The following GPD2 variants were observed in gnomAD, a reference collection of about 807,000 sequenced individuals.
The protein encoded by GPD2 is glycerol-3-phosphate dehydrogenase 2, also known as glycerol-3-phosphate dehydrogenase, mitochondrial.
A neutral mutation model predicts 82.4 loss-of-function variants in GPD2; 54 were observed. That is an observed-to-expected ratio of 0.66 (90% CI 0.53 to 0.82). The LOEUF is 0.82. Ranked by LOEUF, GPD2 falls within the 40% of genes least tolerant of loss-of-function variation. The pLI is 0.00. For synonymous variants in GPD2, 288 were observed against 306.1 expected (o/e 0.94, Z 0.62); for missense variants, 748 against 896.2 (o/e 0.83, Z 2.11).
intron 6 of GPD2, among the ~76,000 whole-genome samples, chr2:156,516,336 A>T (rs1685195368): frequency 2.0e-5 from 3 of 152,402 alleles, no homozygotes; most frequent in African/African-American, 7.2e-5. Flanking sequence ...AATTAAAATT[A>T]GCCATTTTAA....
intron 1 of GPD2, among the ~76,000 whole-genome samples, chr2:156,466,603 G>A (rs928918397): frequency 1.3e-5 from 2 of 152,118 alleles, no homozygotes; most frequent in Non-Finnish European, 2.9e-5. Flanking sequence ...GAGTGCAAAC[G>A]TGTATCCTTG....
At chr2:156,462,930 C>T (rs1683040487) in intron 1 of GPD2, among the ~76,000 whole-genome samples, 1 of 152,084 alleles carries the variant, frequency 6.6e-6, no homozygotes, top group Non-Finnish European at 1.5e-5. Context: ...ATGTAACAAA[C>T]CTGCATGTTG....
chr2:156,499,521 C>G (rs1464340860), intron 3 of GPD2, among the ~76,000 whole-genome samples: 1 of 152,094 alleles, frequency 6.6e-6, no homozygotes, highest in Non-Finnish European at 1.5e-5. Flanking sequence ...AATAATAAGG[C>G]AATCACTAAG....
At chr2:156,469,491 T>C (rs538440967) in intron 1 of GPD2, among the ~76,000 whole-genome samples, 1 of 152,312 alleles carries the variant, frequency 6.6e-6, no homozygotes, top group East Asian at 1.9e-4. Context: ...TATGGCTGAA[T>C]ACTACTTCAT....
chr2:156,504,226 T>G (rs888364222), intron 3 of GPD2, among the ~76,000 whole-genome samples: 1 of 152,114 alleles, frequency 6.6e-6, no homozygotes, highest in Non-Finnish European at 1.5e-5. Context: ...GATTAACAAG[T>G]CAGGATTACT....
At chr2:156,572,614 G>A (rs1687681260) in intron 13 of GPD2, among the ~76,000 whole-genome samples, 1 of 152,120 alleles carries the variant, frequency 6.6e-6, no homozygotes, top group South Asian at 2.1e-4. Context: ...CCATCAGACT[G>A]GATGAGATTA....
Position 156,558,765 on chromosome 2 carries a change from CTTTTTTTTTTTTTTT to C in GPD2, c.1165+1200_1165+1214del, listed in dbSNP as rs34524248. Among the ~76,000 whole-genome samples the C allele has an allele frequency of 8.8e-4, 36 of 40,880 alleles. 1 individual carries two copies. The highest frequency in any genetic ancestry group is 1.2e-3 in the South Asian group (1 of 838). 26.8% of individuals were successfully genotyped at this position (40,880 alleles called of 152,430 possible). On this transcript the variant is annotated intron_variant, in intron 9 of 16. Transcript: ENST00000438166. ...GGTGCCCACCACCACGCCCAGCTAACTTTTTTTTTTTTTTTTTTTTTTTTTTTTTTTAAGTAGAGA... is the reference window on the plus strand; with the variant it reads ...GGTGCCCACCACCACGCCCAGCTAACTTTTTTTTTTTTTTTTAAGTAGAGA...
At position 156,572,176 on chromosome 2, in the gene GPD2, A is replaced by G. The variant is rs761142507; in HGVS notation, c.1767+884A>G. On this transcript the variant is annotated intron_variant, in intron 13 of 16. Coordinates refer to ENST00000438166, the MANE Select transcript of GPD2 (RefSeq NM_000408.5). Reference sequence around the variant, plus strand: ...TTACCTTCCCAAAACTACTACTCCTATAGACTTTTCCATGTCATAAATAGC... The same window carrying G: ...TTACCTTCCCAAAACTACTACTCCTGTAGACTTTTCCATGTCATAAATAGC... Among the ~76,000 whole-genome samples the G allele has an allele frequency of 3.5e-4, 53 of 152,224 alleles. 1 individual carries two copies. Among genetic ancestry groups the G allele is most frequent in the Non-Finnish European group, 7.1e-4 (48 of 68,006 alleles).
At chr2:156,541,665 C>A (rs566154404) in intron 6 of GPD2, among the ~76,000 whole-genome samples, 1 of 152,266 alleles carries the variant, frequency 6.6e-6, no homozygotes, top group African/African-American at 2.4e-5. Context: ...ATTTCACAAA[C>A]AAGGAAGCTT....
At chr2:156,474,613 A>AT (rs1683441464) in intron 1 of GPD2, among the ~76,000 whole-genome samples, 1 of 152,140 alleles carries the variant, frequency 6.6e-6, no homozygotes, top group Admixed American at 6.5e-5. Flanking sequence ...ATCACACAGG[A>AT]TTATCTTTTT....
At chr2:156,519,330 C>G (rs1332633792) in intron 6 of GPD2, among the ~76,000 whole-genome samples, 1 of 151,994 alleles carries the variant, frequency 6.6e-6, no homozygotes, top group Non-Finnish European at 1.5e-5. Context: ...TAAACATAAC[C>G]AAATCCCTTT....
chr2:156,467,374 C>G (rs199820466), intron 1 of GPD2, among the ~76,000 whole-genome samples: 1 of 152,184 alleles, frequency 6.6e-6, no homozygotes, highest in Non-Finnish European at 1.5e-5. Flanking sequence ...GTATTTAGAA[C>G]CTGAGGATTA....
chr2:156,571,316 C>T, intron 13 of GPD2, 24 bp downstream of exon 13: 1 of 1,479,836 alleles, frequency 6.8e-7, no homozygotes, highest in Admixed American at 2.0e-5. Flanking sequence ...GTCTTTAAAA[C>T]CACAATTCCT....
intron 2 of GPD2, among the ~76,000 whole-genome samples, chr2:156,494,594 A>G (rs1232225050): frequency 6.6e-6 from 1 of 152,202 alleles, no homozygotes; most frequent in Non-Finnish European, 1.5e-5. Context: ...GAATGAATTT[A>G]AAAAATCACT....
At chr2:156,420,973 C>A in the GPD2 span, among the ~76,000 whole-genome samples, 16 of 152,216 alleles carry the variant, frequency 1.1e-4, no homozygotes, top group Non-Finnish European at 1.6e-4. Context: ...GTTGAATCTA[C>A]TCACAGATTC....
intron 9 of GPD2, among the ~76,000 whole-genome samples, chr2:156,567,331 C>T (rs1687429258): frequency 6.6e-6 from 1 of 151,772 alleles, no homozygotes; most frequent in African/African-American, 2.4e-5. Context: ...ATAGTTTTAG[C>T]TCTTATGTTT....
chr2:156,412,254 G>A, the GPD2 span, among the ~76,000 whole-genome samples: 4 of 151,936 alleles, frequency 2.6e-5, no homozygotes, highest in Non-Finnish European at 5.9e-5. Flanking sequence ...TGGCCAGCAT[G>A]GTGAAACCCT....
intron 6 of GPD2, among the ~76,000 whole-genome samples, chr2:156,528,189 C>T (rs146443336): frequency 6.2e-4 from 95 of 152,032 alleles, no homozygotes; most frequent in African/African-American, 2.1e-3. Context: ...TAATAGTCCA[C>T]GCTAATTGTA....
At chr2:156,509,748 A>G (rs2105267100) in intron 3 of GPD2, among the ~76,000 whole-genome samples, 1 of 149,550 alleles carries the variant, frequency 6.7e-6, no homozygotes, top group Admixed American at 6.8e-5. Flanking sequence ...GCCTTTCCTT[A>G]TCAAGAATAT....
Sources: gnomAD v4.1 joint callset for allele counts (sites outside exome capture counted in the v4.1 genomes callset) on GRCh38, gnomAD v4.1.1 for gene constraint, MANE v1.5 for transcripts, NCBI Gene and HGNC (gene_info 2026-07-23, HGNC 2026-07-21) for gene names.